Variants in CCDC7 observed in about 807,000 individuals in gnomAD.
CCDC7 encodes coiled-coil domain containing 7.
In CCDC7, 183 loss-of-function variants were observed where a neutral mutation model predicts 196.9. The ratio of observed to expected loss-of-function variants is 0.93; its 90% CI spans 0.82 to 1.05. The LOEUF (loss-of-function observed/expected upper bound fraction) is 1.05, where lower values mean the gene tolerates loss of function less well. Among genes scored for constraint, CCDC7 ranks in the 50% least tolerant of loss-of-function variants. The pLI is 0.00. For synonymous variants in CCDC7, 525 were observed against 484.6 expected (o/e 1.08, Z -1.10); for missense variants, 1,540 against 1,482.2 (o/e 1.04, Z -0.64).
intron 8 of CCDC7, among the ~76,000 whole-genome samples, chr10:32,479,768 A>G (rs896738792): frequency 3.8e-4 from 58 of 152,252 alleles, no homozygotes; most frequent in Admixed American, 2.6e-4. Flanking sequence ...GAAGAATTCG[A>G]GAAGGATTCT....
chr10:32,770,048 G>C (rs1197098664), intron 28 of CCDC7, among the ~76,000 whole-genome samples: 1 of 152,100 alleles, frequency 6.6e-6, no homozygotes, highest in Non-Finnish European at 1.5e-5. Context: ...TCCTTGAGGA[G>C]TCACCACACT....
chr10:32,809,354 A>C (rs2086562447), intron 30 of CCDC7, among the ~76,000 whole-genome samples: 1 of 152,184 alleles, frequency 6.6e-6, no homozygotes, highest in South Asian at 2.1e-4. Flanking sequence ...TTTTGAGAGG[A>C]ATGAAAAATT....
At chr10:32,538,292 G>A (rs1589655605) in intron 11 of CCDC7, among the ~76,000 whole-genome samples, 1 of 151,986 alleles carries the variant, frequency 6.6e-6, no homozygotes, top group Admixed American at 6.6e-5. Flanking sequence ...CTCTTGGCTT[G>A]GATGTTGTTG....
chr10:32,549,863 T>TTCTTTTTGCTTAGTCTTACTTTGCTTAG (rs2053175417), intron 13 of CCDC7, among the ~76,000 whole-genome samples: 1 of 152,192 alleles, frequency 6.6e-6, no homozygotes, highest in Non-Finnish European at 1.5e-5. Context: ...TTCAGATTTC[T>TTCTTTTTGCTTAGTCTTACTTTGCTTAG]TCTTTTTGCT....
chr10:32,651,220 A>C (rs997045683), intron 20 of CCDC7, among the ~76,000 whole-genome samples: 17 of 152,174 alleles, frequency 1.1e-4, no homozygotes, highest in Non-Finnish European at 2.1e-4. Context: ...AGTAAGATTG[A>C]GCAGTCTCCC....
chr10:32,867,922 T>C (rs934841879), intron 41 of CCDC7, among the ~76,000 whole-genome samples: 10 of 151,966 alleles, frequency 6.6e-5, no homozygotes, highest in African/African-American at 2.2e-4. Flanking sequence ...ATTAATTCCT[T>C]ATCTCCTACC....
chr10:32,551,372 G>T (rs1436361803), intron 13 of CCDC7, among the ~76,000 whole-genome samples: 3 of 151,748 alleles, frequency 2.0e-5, no homozygotes, highest in Non-Finnish European at 2.9e-5. Context: ...TTTATCTTTT[G>T]TATTGTTTTT....
At chr10:32,588,912 A>G (rs75312546) in intron 18 of CCDC7, among the ~76,000 whole-genome samples, 2,902 of 151,904 alleles carry the variant, frequency 0.019, 97 homozygotes, top group African/African-American at 0.066. Flanking sequence ...ATTTATGGGG[A>G]ATATCAGATA....
intron 20 of CCDC7, among the ~76,000 whole-genome samples, chr10:32,638,280 C>G (rs974752068): frequency 3.9e-5 from 6 of 152,064 alleles, no homozygotes; most frequent in East Asian, 1.9e-4. Flanking sequence ...GAATAGGAGT[C>G]GTGAGAGAGG....
At chr10:32,681,160 T>C (rs2075800642) in intron 21 of CCDC7, among the ~76,000 whole-genome samples, 1 of 152,170 alleles carries the variant, frequency 6.6e-6, no homozygotes, top group African/African-American at 2.4e-5. Context: ...CATCACTCTC[T>C]CAGCTAGTAA....
At chr10:32,507,081 C>T (rs1018022639) in intron 9 of CCDC7, among the ~76,000 whole-genome samples, 2 of 152,006 alleles carry the variant, frequency 1.3e-5, no homozygotes, top group African/African-American at 4.8e-5. Context: ...CAACTTCTGC[C>T]TCCCGGGTTC....
At chr10:32,654,457 C>G (rs561401735) in intron 20 of CCDC7, among the ~76,000 whole-genome samples, 1 of 152,044 alleles carries the variant, frequency 6.6e-6, no homozygotes, top group Non-Finnish European at 1.5e-5. Flanking sequence ...TCTTCTTTCC[C>G]AGGGTTTGTT....
chr10:32,875,868 G>T (rs777608579), intron 41 of CCDC7, among the ~76,000 whole-genome samples: 40 of 152,004 alleles, frequency 2.6e-4, no homozygotes, highest in Non-Finnish European at 5.7e-4. Flanking sequence ...ATTTTTTGAA[G>T]AACCATAGGC....
At chr10:32,556,124 G>A (rs887629984) in intron 13 of CCDC7, among the ~76,000 whole-genome samples, 1 of 152,170 alleles carries the variant, frequency 6.6e-6, no homozygotes, top group Non-Finnish European at 1.5e-5. Flanking sequence ...CTTTTTATGG[G>A]AGCTATTGTG....
intron 20 of CCDC7, among the ~76,000 whole-genome samples, chr10:32,661,649 C>T (rs1032579362): frequency 1.3e-5 from 2 of 152,036 alleles, no homozygotes; most frequent in African/African-American, 4.8e-5. Context: ...CCCTTTTGGC[C>T]CAGGATGTGT....
At chr10:32,573,927 G>A (rs1433465743) in intron 16 of CCDC7, among the ~76,000 whole-genome samples, 1 of 152,116 alleles carries the variant, frequency 6.6e-6, no homozygotes, top group Non-Finnish European at 1.5e-5. Context: ...TAGTAGGGCC[G>A]ACTAGACATG....
chr10:32,448,705 T>G (rs573635148), upstream of CCDC7, among the ~76,000 whole-genome samples: 15 of 152,228 alleles, frequency 9.9e-5, no homozygotes, highest in Non-Finnish European at 1.8e-4. Flanking sequence ...TTCATATATA[T>G]CGGATGATCT....
intron 24 of CCDC7, among the ~76,000 whole-genome samples, chr10:32,705,648 A>G (rs1455690131): frequency 6.6e-6 from 1 of 152,130 alleles, no homozygotes; most frequent in African/African-American, 2.4e-5. Context: ...TGGAAAACAA[A>G]AAAAGGCAGA....
At chr10:32,785,395 G>A (rs1177165351) in intron 29 of CCDC7, among the ~76,000 whole-genome samples, 1 of 152,056 alleles carries the variant, frequency 6.6e-6, no homozygotes, top group Non-Finnish European at 1.5e-5. Context: ...ATGGACACTA[G>A]GATATATTTG....
Sources: allele counts gnomAD v4.1 joint callset (sites outside exome capture counted in the v4.1 genomes callset), GRCh38; gene constraint gnomAD v4.1.1; transcripts MANE v1.5; gene names NCBI Gene and HGNC (gene_info 2026-07-23, HGNC 2026-07-21).